BANF2: variants seen among roughly 807,000 people sequenced by gnomAD.
BANF2 encodes the protein BANF family member 2, also known as barrier-to-autointegration factor-like protein.
Under a neutral mutation model 8.0 loss-of-function variants are expected in BANF2, and 4 were observed. The observed-to-expected ratio is 0.50, with a 90% confidence interval of 0.25 to 1.14. The LOEUF (loss-of-function observed/expected upper bound fraction) is 1.14. Among genes scored for constraint, BANF2 ranks in the 50% most tolerant of loss-of-function variants. BANF2 has a pLI of 0.16. For missense variants in BANF2, 96 were observed against 107.5 expected (o/e 0.89, Z 0.47); for synonymous variants, 50 against 40.6 (o/e 1.23, Z -0.88).
At chr20:17,696,618 C>T (rs2037348083), upstream of BANF2, among the ~76,000 whole-genome samples, 1 of 152,144 alleles carries the variant, frequency 6.6e-6, no homozygotes, top group Non-Finnish European at 1.5e-5. Context: ...GGAGGCAGAA[C>T]TAAAGACTGT....
intron 3 of BANF2, 51 bp downstream of exon 3, chr20:17,725,202 C>G (rs1414019897): frequency 1.3e-6 from 2 of 1,563,432 alleles, no homozygotes; most frequent in Admixed American, 3.4e-5. Flanking sequence ...CCTTTCTTCC[C>G]CCAGTCCTGC....
chr20:17,710,561 T>C (rs1427902190), intron 1 of BANF2, among the ~76,000 whole-genome samples: 1 of 152,218 alleles, frequency 6.6e-6, no homozygotes, highest in African/African-American at 2.4e-5. Flanking sequence ...CCCGCTTGCC[T>C]GTGATCCTTA....
intron 2 of BANF2, among the ~76,000 whole-genome samples, chr20:17,724,696 T>C (rs1209267635): frequency 6.6e-6 from 1 of 152,232 alleles, no homozygotes; most frequent in Non-Finnish European, 1.5e-5. Context: ...AAGTTGTTGC[T>C]TTAGGCATTT....
intron 1 of BANF2, among the ~76,000 whole-genome samples, chr20:17,705,713 G>A (rs1255119689): frequency 6.6e-6 from 1 of 152,198 alleles, no homozygotes; most frequent in African/African-American, 2.4e-5. Context: ...TTTTATAGAT[G>A]AAGCAACTAA....
chr20:17,721,186 C>G (rs765942576), intron 1 of BANF2, among the ~76,000 whole-genome samples: 1 of 152,134 alleles, frequency 6.6e-6, no homozygotes, highest in Non-Finnish European at 1.5e-5. Context: ...GGGGGCTCAT[C>G]TCATCCACAC....
intron 3 of BANF2, among the ~76,000 whole-genome samples, chr20:17,731,759 GAAAAAAAAAAAAA>G (rs58645809): frequency 1.1e-5 from 1 of 95,036 alleles, no homozygotes; most frequent in Middle Eastern, 8.2e-3. Context: ...CGTCTCTTAG[GAAAAAAAAAAAAA>G]AAAAAAAAAG....
rs536133762 is a variant in BANF2 at position 17,723,701 on chromosome 20, T to A, written c.-4+823T>A. 6.6e-5 allele frequency among the ~76,000 whole-genome samples: 10 copies of A among 152,278 alleles called. No individual in the cohort carries two copies. The South Asian group carries it at 2.1e-3, about 32-fold the overall frequency. ...AGCAGCAAAGATGTCTCTATCAAACTTGGAAGATGGCGGCCGGGCGCAGCA... is the reference window on the plus strand; with the variant it reads ...AGCAGCAAAGATGTCTCTATCAAACATGGAAGATGGCGGCCGGGCGCAGCA... On this transcript the variant is annotated intron_variant, in intron 2 of 3. Coordinates refer to ENST00000246090, the MANE Select transcript of BANF2 (RefSeq NM_178477.5).
At chr20:17,708,726 A>AT (rs1416677822) in intron 1 of BANF2, among the ~76,000 whole-genome samples, 2 of 152,162 alleles carry the variant, frequency 1.3e-5, no homozygotes, top group Middle Eastern at 3.2e-3. Context: ...ATAGATGCTC[A>AT]AAGGGTGGCT....
intron 3 of BANF2, among the ~76,000 whole-genome samples, chr20:17,728,916 C>T (rs546320965): frequency 7.9e-5 from 12 of 152,160 alleles, no homozygotes; most frequent in Admixed American, 4.6e-4. Context: ...AAAAAAGGAA[C>T]GTAAAATAGC....
At chr20:17,727,842 G>A (rs192408240) in intron 3 of BANF2, among the ~76,000 whole-genome samples, 1 of 152,072 alleles carries the variant, frequency 6.6e-6, no homozygotes, top group Admixed American at 6.6e-5. Context: ...CATCCTGGGC[G>A]CAGCCTCCAC....
chr20:17,709,183 C>T lies in BANF2; in HGVS notation c.-167+9128C>T, dbSNP rs1003029932. 7.9e-5 allele frequency among the ~76,000 whole-genome samples: 12 copies of T among 152,172 alleles called. No individual in the cohort carries two copies. In the South Asian group the frequency reaches 2.1e-3, roughly 26 times the overall value. ...TCTTTTGAAAGGGTCTTAAGTAGGT[C>T]TTTGCATTTGGGAAGATCAGGCAAG... is the stretch of plus-strand genomic sequence containing the variant. On this transcript the variant is annotated intron_variant, in intron 1 of 3. Transcript: ENST00000246090.
chr20:17,702,380 T>C (rs565867769), intron 1 of BANF2, among the ~76,000 whole-genome samples: 4 of 152,352 alleles, frequency 2.6e-5, no homozygotes, highest in South Asian at 2.1e-4. Flanking sequence ...ACAGATGTTA[T>C]GCACCAAGGA....
upstream of BANF2, among the ~76,000 whole-genome samples, chr20:17,695,062 G>A (rs992969383): frequency 5.3e-5 from 8 of 152,130 alleles, no homozygotes; most frequent in African/African-American, 9.7e-5. Context: ...TTTGACCAAG[G>A]ACTCTGTTTG....
At chr20:17,714,561 T>A (rs1449283807) in intron 1 of BANF2, among the ~76,000 whole-genome samples, 1 of 152,256 alleles carries the variant, frequency 6.6e-6, no homozygotes, top group Admixed American at 6.5e-5. Flanking sequence ...GGAGACAAGC[T>A]GGCTTCTTCA....
intron 1 of BANF2, among the ~76,000 whole-genome samples, chr20:17,709,351 A>C (rs2037533822): frequency 6.6e-6 from 1 of 152,218 alleles, no homozygotes; most frequent in Non-Finnish European, 1.5e-5. Context: ...ACTGAGGCCT[A>C]GCAGGCAAGG....
chr20:17,723,260 G>T (rs1018048466), intron 2 of BANF2, among the ~76,000 whole-genome samples: 2 of 152,208 alleles, frequency 1.3e-5, no homozygotes, highest in African/African-American at 4.8e-5. Context: ...TGTTTTAGGG[G>T]TTGGCGTATT....
intron 2 of BANF2, 85 bp downstream of exon 2, chr20:17,722,963 G>A: frequency 1.2e-6 from 1 of 857,790 alleles, no homozygotes; most frequent in Non-Finnish European, 1.4e-6. Context: ...GTCATCGAAT[G>A]CTTACCATGT....
chr20:17,694,599 CTCTTTTTTTTTTTTTTTT>C lies in BANF2; in HGVS notation c.18+895_18+912del, dbSNP rs1206345540. ...AGGGGGCTATTTTTGTTTTTTCTCT[CTCTTTTTTTTTTTTTTTT>C]TTTTTTTTTTTTTTTTATTGAGACA... is the stretch of plus-strand genomic sequence containing the variant. On this transcript the variant is annotated intron_variant, in intron 1 of 2. Transcript: ENST00000545418. Among the ~76,000 whole-genome samples the C allele has an allele frequency of 2.7e-4, 22 of 82,780 alleles. 1 individual carries two copies. Among genetic ancestry groups the C allele is most frequent in the Middle Eastern group, 7.1e-3 (1 of 140 alleles). The allele number at this position is 82,780 out of a possible 152,430, so 54.3% of individuals were successfully genotyped here.
intron 3 of BANF2, among the ~76,000 whole-genome samples, chr20:17,728,354 G>A (rs748265526): frequency 2.0e-5 from 3 of 152,134 alleles, no homozygotes; most frequent in African/African-American, 7.2e-5. Context: ...CCTGGGCTCC[G>A]CACTCAGCCA....
Sources: gnomAD v4.1 joint callset for allele counts (sites outside exome capture counted in the v4.1 genomes callset) on GRCh38, gnomAD v4.1.1 for gene constraint, MANE v1.5 for transcripts, NCBI Gene and HGNC (gene_info 2026-07-23, HGNC 2026-07-21) for gene names.